TMEM268: variants seen among roughly 807,000 people sequenced by gnomAD.
TMEM268 encodes the protein transmembrane protein C9orf91.
TMEM268 carries 24 observed loss-of-function variants against 39.1 expected under a neutral mutation model. The observed-to-expected ratio is 0.61, with a 90% confidence interval of 0.44 to 0.86. TMEM268 has a LOEUF of 0.86. Among genes scored for constraint, TMEM268 ranks in the 40% least tolerant of loss-of-function variants. The pLI is 0.00. For synonymous variants in TMEM268, 176 were observed against 173.5 expected, an observed-to-expected ratio of 1.01 and a Z score of -0.12; for missense variants, 409 against 428.6, an observed-to-expected ratio of 0.95 and a Z score of 0.40.
chr9:114,626,650 C>T (rs73656160), intron 3 of TMEM268, among the ~76,000 whole-genome samples: 3,085 of 152,318 alleles, frequency 0.02, 116 homozygotes, highest in African/African-American at 0.07. Flanking sequence ...CCTTAACCAT[C>T]AGGCTGCCCT....
At chr9:114,614,467 C>T (rs1358884241) in intron 1 of TMEM268, among the ~76,000 whole-genome samples, 1 of 152,166 alleles carries the variant, frequency 6.6e-6, no homozygotes, top group Admixed American at 6.5e-5. Flanking sequence ...TAGAAGAGGC[C>T]CCACATTTTC....
chr9:114,610,703 A>C (rs1845456766), upstream of TMEM268, among the ~76,000 whole-genome samples: 1 of 152,198 alleles, frequency 6.6e-6, no homozygotes, highest in East Asian at 1.9e-4. Context: ...ACGAGTGAGT[A>C]TGTGTCTGGT....
At chr9:114,622,587 C>A in intron 2 of TMEM268, 1 of 841,118 alleles carries the variant, frequency 1.2e-6, no homozygotes, top group Non-Finnish European at 1.4e-6. Flanking sequence ...GTCTCATGGT[C>A]TGGCTTCATC....
Position 114,638,641 on chromosome 9 carries a change from C to G in TMEM268, c.764C>G (p.Pro255Arg). Residue 255 changes from proline (P) to arginine (R), a missense_variant, in exon 8 of 9, where the codon CCT (proline) becomes CGT (arginine). Transcript: ENST00000288502. ...AEGPENLEDA[P>R]LLPGNSCPNE... ...GGGCCTGAGAACTTGGAGGATGCTC[C>G]TCTCCTGCCCGGCAATTCTTGTCCT... 1 of 1,610,364 alleles carries G rather than the reference C, an allele frequency of 6.2e-7. No homozygotes were observed.
At chr9:114,621,559 T>C (rs1845946710) in intron 2 of TMEM268, among the ~76,000 whole-genome samples, 1 of 152,156 alleles carries the variant, frequency 6.6e-6, no homozygotes, top group African/African-American at 2.4e-5. Flanking sequence ...GTATTTAGCT[T>C]GGGCGAGTAT....
intron 2 of TMEM268, chr9:114,622,095 C>G: frequency 1.0e-6 from 1 of 985,316 alleles, no homozygotes; most frequent in Non-Finnish European, 1.2e-6. Flanking sequence ...GTTTTGTTTG[C>G]CTAGTTGGCA....
rs193297847 is a variant in TMEM268, at chr9:114,624,906, G to C, written c.216+447G>C. Among the ~76,000 whole-genome samples, 172 of 152,364 alleles carry C rather than the reference G, an allele frequency of 1.1e-3. 2 individuals are homozygous for C. The highest frequency in any genetic ancestry group is 1.6e-3 in the Non-Finnish European group (112 of 68,030). ...TTGCAGAGGAGCAGATGCTTGATCT[G>C]GGATCTTGAATAAATAGGAATATGC... On this transcript the variant is annotated intron_variant, in intron 3 of 8. Coordinates refer to ENST00000288502, the MANE Select transcript of TMEM268 (RefSeq NM_153045.4).
chr9:114,611,898 C>T (rs1845512777), intron 1 of TMEM268, among the ~76,000 whole-genome samples: 1 of 152,242 alleles, frequency 6.6e-6, no homozygotes, highest in Non-Finnish European at 1.5e-5. Flanking sequence ...GACGAGACAG[C>T]TGCCCAAGGC....
chr9:114,609,219 G>A (rs1471331567), upstream of TMEM268, among the ~76,000 whole-genome samples: 1 of 152,164 alleles, frequency 6.6e-6, no homozygotes, highest in Non-Finnish European at 1.5e-5. Context: ...GCTGAGGTGG[G>A]AGAATCGCTT....
At chr9:114,620,938 G>A (rs950142139) in intron 2 of TMEM268, among the ~76,000 whole-genome samples, 1 of 150,728 alleles carries the variant, frequency 6.6e-6, no homozygotes, top group Non-Finnish European at 1.5e-5. Flanking sequence ...AAAAAAAACA[G>A]GAGAGAGAGA....
At position 114,617,159 on chromosome 9, in the gene TMEM268, T is replaced by C. The variant is rs751066996; in HGVS notation, c.-37T>C. ...TGGCTGCTCCAGAATGAACCACAGC[T>C]CTGAGAAGGGGAAGTAGAAACAGCT... On this transcript the variant is annotated 5_prime_UTR_variant, in exon 2 of 9. Coordinates refer to ENST00000288502, the MANE Select transcript of TMEM268 (RefSeq NM_153045.4). The C allele has an allele frequency of 4.3e-6, 6 of 1,386,812 alleles. No individual in the cohort carries two copies. Among genetic ancestry groups the C allele is most frequent in the Non-Finnish European group, 6.1e-6 (6 of 991,524 alleles). 85.9% of individuals were successfully genotyped at this position (1,386,812 alleles called of 1,614,324 possible).
intron 1 of TMEM268, chr9:114,615,563 G>C (rs2418309): frequency 0.68 from 104,045 of 152,340 alleles, 36,233 homozygotes; most frequent in African/African-American, 0.8. Context: ...TACTTTCAGA[G>C]CAGCCTAGAA....
rs1058280 is a variant in TMEM268 at position 114,645,643 on chromosome 9, C to T, written c.*2330C>T. On this transcript the variant is annotated 3_prime_UTR_variant, in exon 9 of 9. Transcript: ENST00000288502. Reference sequence around the variant, plus strand: ...TATTTCTCAGTCAGTCCTAGAACCCCGGTAAGTAATTAACAGAGAATAAAA... The same window carrying T: ...TATTTCTCAGTCAGTCCTAGAACCCTGGTAAGTAATTAACAGAGAATAAAA... 26,770 of 152,328 alleles carry T rather than the reference C, an allele frequency of 0.18. 2,517 individuals are homozygous for T. The highest frequency in any genetic ancestry group is 0.28 in the South Asian group (1,369 of 4,826). 9.4% of individuals were successfully genotyped at this position (152,328 alleles called of 1,614,324 possible).
At chr9:114,615,059 G>A (rs1845651266) in intron 1 of TMEM268, among the ~76,000 whole-genome samples, 1 of 151,922 alleles carries the variant, frequency 6.6e-6, no homozygotes, top group Non-Finnish European at 1.5e-5. Flanking sequence ...ACCATGCCCG[G>A]CTAATTTTTG....
intron 2 of TMEM268, among the ~76,000 whole-genome samples, chr9:114,618,554 TA>T (rs955909780): frequency 7.2e-5 from 11 of 151,734 alleles, no homozygotes; most frequent in Admixed American, 2.0e-4. Flanking sequence ...TGCCAGCTAC[TA>T]GGGAGGCTGA....
At chr9:114,618,125 C>T (rs2133605321) in intron 2 of TMEM268, among the ~76,000 whole-genome samples, 1 of 152,214 alleles carries the variant, frequency 6.6e-6, no homozygotes, top group African/African-American at 2.4e-5. Flanking sequence ...GATCCGCCCA[C>T]CTTGGGCTCC....
chr9:114,622,011 GA>G lies in TMEM268; in HGVS notation c.107-2337del. On this transcript the variant is annotated intron_variant, in intron 2 of 8. Coordinates refer to ENST00000288502, the MANE Select transcript of TMEM268 (RefSeq NM_153045.4). ...TAGAAGTAAAGGTAGGTTTGCAGCA[GA>G]AGCCACTTAGGAGGCTACTGCAGAG... is the stretch of plus-strand genomic sequence containing the variant. 3 of 846,324 alleles carry G rather than the reference GA, an allele frequency of 3.5e-6. No individual in the cohort carries two copies. The South Asian group carries it at 1.6e-4, about 46-fold the overall frequency. The allele number at this position is 846,324 out of a possible 1,614,324, so 52.4% of individuals were successfully genotyped here. A position where few individuals can be genotyped will look rare whatever the true frequency, so the allele number is the denominator to read the frequency against.
intron 2 of TMEM268, chr9:114,622,203 A>G: frequency 2.0e-6 from 2 of 985,424 alleles, no homozygotes; most frequent in Non-Finnish European, 2.4e-6. Flanking sequence ...TTGAAGACTC[A>G]AGTACTGTTC....
intron 1 of TMEM268, among the ~76,000 whole-genome samples, chr9:114,616,604 G>A (rs1845723050): frequency 6.6e-6 from 1 of 150,482 alleles, no homozygotes; most frequent in Non-Finnish European, 1.5e-5. Context: ...GACCTCAGGT[G>A]ATCCACCCAC....
Sources: gnomAD v4.1 joint callset for allele counts (sites outside exome capture counted in the v4.1 genomes callset) on GRCh38, gnomAD v4.1.1 for gene constraint, MANE v1.5 for transcripts, NCBI Gene and HGNC (gene_info 2026-07-23, HGNC 2026-07-21) for gene names.